Variants in ALDH4A1 observed in about 807,000 individuals in gnomAD.
ALDH4A1 encodes the protein aldehyde dehydrogenase 4 family member A1, also known as delta-1-pyrroline-5-carboxylate dehydrogenase, mitochondrial.
A neutral mutation model predicts 70.5 loss-of-function variants in ALDH4A1; 46 were observed. The ratio of observed to expected loss-of-function variants is 0.65; its 90% CI spans 0.51 to 0.83. The LOEUF (loss-of-function observed/expected upper bound fraction) is 0.83, where lower values mean the gene tolerates loss of function less well. Ranked by LOEUF, ALDH4A1 falls within the 40% of genes least tolerant of loss-of-function variation. The probability of loss-of-function intolerance (pLI) is 0.00; values close to 1 mark genes in which losing one functional copy is unlikely to be tolerated. For missense variants in ALDH4A1, 749 were observed against 766.5 expected (o/e 0.98, Z 0.27); for synonymous variants, 323 against 324.3 (o/e 1.00, Z 0.04).
In ALDH4A1 at chr1:18,877,623, C is replaced by CG; in HGVS notation, c.941-12dup. 1.3e-6 allele frequency: 2 copies of CG among 1,589,114 alleles called. No individual in the cohort carries two copies. The highest frequency in any genetic ancestry group is 8.6e-7 in the Non-Finnish European group (1 of 1,167,780). On this transcript the variant is annotated splice_polypyrimidine_tract_variant and intron_variant, in intron 9 of 14. Transcript: ENST00000375341. ...TCTTTCCGCCGCACTCTACAGGGGT[C>CG]GGGGGTGGGGAAATGACCAGAGGAG... is the stretch of plus-strand genomic sequence containing the variant.
At position 18,898,531 on chromosome 1, in the gene ALDH4A1, C is replaced by G. The variant is rs572154427; in HGVS notation, c.62+3931G>C. Among the ~76,000 whole-genome samples, 88 of 152,346 alleles carry G rather than the reference C, an allele frequency of 5.8e-4. 1 individual carries two copies. Among genetic ancestry groups the G allele is most frequent in the African/African-American group, 2.0e-3 (82 of 41,578 alleles). On this transcript the variant is annotated intron_variant, in intron 1 of 14. Coordinates refer to ENST00000375341, the MANE Select transcript of ALDH4A1 (RefSeq NM_003748.4). This position sits in a 1 kb window ranked among gnomAD's most constrained non-coding sequence, Gnocchi z 4.3. ...CCCATTGGTGGGAGAGGGGGATCAT[C>G]ATAACCACAGCAGCACTTACTGAGC...
At chr1:18,888,398 A>G (rs1271280636) in intron 3 of ALDH4A1, among the ~76,000 whole-genome samples, 1 of 152,080 alleles carries the variant, frequency 6.6e-6, no homozygotes, top group African/African-American at 2.4e-5. Flanking sequence ...ATGCCCCAGA[A>G]CCCCAAATGT....
chr1:18,883,754 G>C lies in ALDH4A1; in HGVS notation c.454-326C>G, dbSNP rs138085334. 5.9e-5 allele frequency among the ~76,000 whole-genome samples: 9 copies of C among 152,310 alleles called. No homozygotes were observed. The East Asian group carries it at 1.7e-3, about 29-fold the overall frequency. On this transcript the variant is annotated intron_variant, in intron 5 of 14. Transcript: ENST00000375341. ...TGGTGGTGCATGGCAAAGGATCTAT[G>C]GTCAAGCCTCAGACTAAATTCAGGA...
intron 12 of ALDH4A1, among the ~76,000 whole-genome samples, 197 bp from the exon 13 acceptor site, chr1:18,875,700 T>C (rs1014401313): frequency 2.0e-5 from 3 of 152,134 alleles, no homozygotes; most frequent in South Asian, 2.1e-4. Context: ...CTCCCTGTCC[T>C]GTCCATCCCA....
intron 3 of ALDH4A1, 132 bp downstream of exon 3, chr1:18,889,230 A>C: frequency 3.7e-6 from 3 of 806,128 alleles, no homozygotes; most frequent in Non-Finnish European, 6.1e-6. Context: ...ACAGAATTCA[A>C]AATCTGGGGT....
intron 1 of ALDH4A1, among the ~76,000 whole-genome samples, chr1:18,894,602 A>G (rs1170390008): frequency 1.3e-5 from 2 of 152,184 alleles, no homozygotes; most frequent in Non-Finnish European, 2.9e-5. Context: ...CTCCCAGGAA[A>G]TGTCAGAGTC....
intron 1 of ALDH4A1, among the ~76,000 whole-genome samples, chr1:18,895,827 GCTCCAGTCTCC>G (rs1180704664): frequency 6.6e-6 from 1 of 152,176 alleles, no homozygotes; most frequent in African/African-American, 2.4e-5. Context: ...TGCCAGCCCT[GCTCCAGTCTCC>G]AAGTCACTCA....
intron 1 of ALDH4A1, 152 bp from the exon 2 acceptor site, chr1:18,890,257 T>A: frequency 1.5e-6 from 1 of 661,314 alleles, no homozygotes; most frequent in Non-Finnish European, 2.7e-6. Flanking sequence ...AAACCCCACC[T>A]TGGGCTGGGC....
At chr1:18,881,132 CA>C (rs1168225707) in intron 8 of ALDH4A1, among the ~76,000 whole-genome samples, 1 of 152,130 alleles carries the variant, frequency 6.6e-6, no homozygotes, top group Non-Finnish European at 1.5e-5. Context: ...TACCTCAACT[CA>C]AACCATGCCC....
chr1:18,890,026 C>T lies in ALDH4A1; in HGVS notation c.142G>A (p.Asp48Asn), dbSNP rs1210956458. The T allele has an allele frequency of 6.2e-7, 1 of 1,610,198 alleles. No homozygotes were observed. The highest frequency in any genetic ancestry group is 8.5e-7 in the Non-Finnish European group (1 of 1,178,404). Reference protein sequence around the residue: ...LAFTQGSPERDALQKALKDLK... With the variant: ...LAFTQGSPERNALQKALKDLK... Reference sequence around the variant, plus strand: ...CCTCCCATTACCTTTTGCAGGGCATCTCGCTCAGGGCTGCCCTGCGTGAAG... The same window carrying T: ...CCTCCCATTACCTTTTGCAGGGCATTTCGCTCAGGGCTGCCCTGCGTGAAG... The change falls in exon 2 of 15, where the codon GAT becomes AAT. Residue 48 changes from aspartate to asparagine, a missense_variant. Transcript: ENST00000375341.
chr1:18,876,412 G>A lies in ALDH4A1; in HGVS notation c.1241C>T (p.Thr414Ile). The A allele has an allele frequency of 6.2e-7, 1 of 1,612,552 alleles. No individual in the cohort carries two copies. The highest frequency in any genetic ancestry group is 8.5e-7 in the Non-Finnish European group (1 of 1,179,574). The change falls in exon 12 of 15, where the codon ACC becomes ATC. Residue 414 changes from threonine to isoleucine, a missense_variant. Transcript: ENST00000375341. ...LEHARSSPSL[T>I]ILAGGKCDDS... ...ATCACACTTGCCCCCGGCCAGGATG[G>A]TGAGGCTGGGTGAGGAGCGTGCGTG... is the stretch of plus-strand genomic sequence containing the variant.
intron 3 of ALDH4A1, among the ~76,000 whole-genome samples, chr1:18,888,154 G>A (rs115380882): frequency 0.012 from 1,757 of 152,318 alleles, 37 homozygotes; most frequent in African/African-American, 0.039. Flanking sequence ...TGCAGATCTG[G>A]AACATTTCTG....
At chr1:18,892,459 C>T (rs560243899) in intron 1 of ALDH4A1, among the ~76,000 whole-genome samples, 7 of 152,010 alleles carry the variant, frequency 4.6e-5, no homozygotes, top group Admixed American at 3.9e-4. Context: ...GCTGCTTCAG[C>T]CAGGGTGGTC....
chr1:18,889,834 G>A (rs759570348), intron 2 of ALDH4A1, among the ~76,000 whole-genome samples, 178 bp downstream of exon 2: 4 of 152,188 alleles, frequency 2.6e-5, no homozygotes, highest in Non-Finnish European at 5.9e-5. Context: ...CTGCCACCTT[G>A]GTCCTCCCAG....
At chr1:18,875,574 C>T in intron 12 of ALDH4A1, 71 bp from the exon 13 acceptor site, 1 of 1,607,154 alleles carries the variant, frequency 6.2e-7, no homozygotes, top group Non-Finnish European at 8.5e-7. Context: ...TCCCAGTGCC[C>T]CTGCTCTGGC....
intron 13 of ALDH4A1, 119 bp downstream of exon 13, chr1:18,875,263 A>C: frequency 1.3e-6 from 2 of 1,515,980 alleles, no homozygotes; most frequent in South Asian, 1.1e-5. Context: ...GGCTGAGGGG[A>C]GGGGACAGAG....
chr1:18,885,181 A>G, intron 5 of ALDH4A1: 1 of 473,942 alleles, frequency 2.1e-6, no homozygotes, highest in Non-Finnish European at 3.9e-6. Flanking sequence ...GAGACAGTGC[A>G]GGCCACCACC....
intron 11 of ALDH4A1, 24 bp downstream of exon 11, chr1:18,877,184 G>T (rs752489380): frequency 4.4e-6 from 7 of 1,604,452 alleles, no homozygotes; most frequent in East Asian, 2.3e-5. Context: ...CCCCACCCAG[G>T]AACGCCCACT....
chr1:18,885,427 T>TTCCCCCCCCCCCCCCCCC, intron 5 of ALDH4A1, 46 bp downstream of exon 5: 26 of 650,914 alleles, frequency 4.0e-5, no homozygotes, highest in Admixed American at 4.6e-5. Flanking sequence ...CACACCTGAC[T>TTCCCCCCCCCCCCCCCCC]CCCACCCCAC....
Sources: gnomAD v4.1 joint callset for allele counts (sites outside exome capture counted in the v4.1 genomes callset) on GRCh38, gnomAD v4.1.1 for gene constraint, Gnocchi (gnomAD v3.1) non-coding constraint, MANE v1.5 for transcripts, NCBI Gene and HGNC (gene_info 2026-07-23, HGNC 2026-07-21) for gene names.